DOCK1: variants seen among roughly 807,000 people sequenced by gnomAD.
The protein encoded by DOCK1 is dedicator of cytokinesis protein 1.
In DOCK1, 138 loss-of-function variants were observed where a neutral mutation model predicts 262.7. The ratio of observed to expected loss-of-function variants is 0.53; its 90% CI spans 0.46 to 0.61. DOCK1 has a LOEUF of 0.61. Among genes scored for constraint, DOCK1 ranks in the 20% least tolerant of loss-of-function variants. The pLI, the probability that DOCK1 is intolerant of heterozygous loss-of-function variation, is 0.00. For synonymous variants in DOCK1, 866 were observed against 867.4 expected (o/e 1.00, Z 0.03); for missense variants, 1,908 against 2,370.7 (o/e 0.80, Z 4.05).
chr10:127,447,320 C>A, intron 50 of DOCK1, 74 bp from the exon 51 acceptor site: 1 of 1,552,606 alleles, frequency 6.4e-7, no homozygotes, highest in Non-Finnish European at 8.7e-7. Context: ...TGGGAGGGAA[C>A]GTGGAGCAGC....
At position 127,343,730 on chromosome 10, in the gene DOCK1, G is replaced by C; in HGVS notation, c.3208G>C (p.Ala1070Pro). The change falls in exon 31 of 52, where the codon GCC becomes CCC. Residue 1070 changes from alanine (A) to proline (P), a missense_variant. By Grantham distance (27) the Ala-to-Pro change is conservative. Transcript: ENST00000623213. ...GGAGAATTTTTCAAGTGCCAAGAGA[G>C]CCAAAATCCTTAACAAGTAAGTTCT... ...QLENFSSAKR[A>P]KILNKYGDMR... 1 of 1,608,080 alleles carries C rather than the reference G, an allele frequency of 6.2e-7. No individual in the cohort carries two copies. The highest frequency in any genetic ancestry group is 8.5e-7 in the Non-Finnish European group (1 of 1,177,314).
chr10:127,394,456 T>C (rs1440587150), intron 38 of DOCK1, among the ~76,000 whole-genome samples: 3 of 151,924 alleles, frequency 2.0e-5, no homozygotes, highest in Admixed American at 1.3e-4. Flanking sequence ...CTTTTCCAAG[T>C]ATTTGGGGTG....
intron 49 of DOCK1, among the ~76,000 whole-genome samples, chr10:127,441,628 G>GT (rs2070144323): frequency 6.6e-6 from 1 of 152,098 alleles, no homozygotes; most frequent in Non-Finnish European, 1.5e-5. Flanking sequence ...AGGAGGGGAG[G>GT]TGCGGGGGAG....
At chr10:126,942,848 A>G (rs1426331342) in intron 1 of DOCK1, among the ~76,000 whole-genome samples, 1 of 152,158 alleles carries the variant, frequency 6.6e-6, no homozygotes, top group African/African-American at 2.4e-5. Context: ...ACTAGATTAC[A>G]TGTTTCATGA....
chr10:127,092,031 TA>T (rs2047565447), intron 23 of DOCK1, among the ~76,000 whole-genome samples: 1 of 152,194 alleles, frequency 6.6e-6, no homozygotes, highest in South Asian at 2.1e-4. Flanking sequence ...GAAATTCAAA[TA>T]AAATACAGCT....
intron 25 of DOCK1, among the ~76,000 whole-genome samples, chr10:127,114,566 A>C (rs1251359151): frequency 6.6e-6 from 1 of 151,994 alleles, no homozygotes; most frequent in African/African-American, 2.4e-5. Flanking sequence ...TGATCTAATC[A>C]TTCCTGTTTT....
rs1437800527 is a variant in DOCK1, at chr10:127,175,638, A to G, written c.2847+47874A>G. On this transcript the variant is annotated intron_variant, in intron 27 of 51. Transcript: ENST00000623213. The surrounding 1 kb of genome is among the most constrained non-coding windows in gnomAD (Gnocchi z 6.3). ...GAGGGCAGGTGCGTAAACGGTGGCA[A>G]CCTCCGTTTTAAACACCCTCCTGAG... 1 of 1,613,076 alleles carries G rather than the reference A, an allele frequency of 6.2e-7. No homozygotes were observed. Among genetic ancestry groups the G allele is most frequent in the Non-Finnish European group, 8.5e-7 (1 of 1,179,924 alleles).
chr10:127,245,645 A>G lies in DOCK1; in HGVS notation c.2848-2363A>G, dbSNP rs559828989. On this transcript the variant is annotated intron_variant, in intron 27 of 51. Coordinates refer to ENST00000623213, the MANE Select transcript of DOCK1 (RefSeq NM_001290223.2). ...CATGAATTTCTCCGCATGACGTGAC[A>G]GTCTGCTGCCTGAATTCAGTATGTC... 2.0e-5 allele frequency among the ~76,000 whole-genome samples: 3 copies of G among 152,294 alleles called. 1 individual carries two copies. Among genetic ancestry groups the G allele is most frequent in the African/African-American group, 7.2e-5 (3 of 41,548 alleles).
At chr10:127,110,387 C>A in intron 25 of DOCK1, 33 bp downstream of exon 25, 1 of 1,569,956 alleles carries the variant, frequency 6.4e-7, no homozygotes. Context: ...TTCACTTGTC[C>A]TGTTATTTAT....
rs1437297509 is a variant in DOCK1 at position 127,233,128 on chromosome 10, A to G, written c.2848-14880A>G. On this transcript the variant is annotated intron_variant, in intron 27 of 51. Coordinates refer to ENST00000623213, the MANE Select transcript of DOCK1 (RefSeq NM_001290223.2). ...TGTCATAAGTGAAAAAATATCATTA[A>G]AATATTTGAATTTTGTTCAAGGAGA... Among the ~76,000 whole-genome samples the G allele has an allele frequency of 2.6e-5, 4 of 152,172 alleles. No individual in the cohort carries two copies. In the East Asian group the frequency reaches 7.7e-4, roughly 29 times the overall value.
chr10:127,224,235 T>C (rs1416250380), intron 27 of DOCK1, among the ~76,000 whole-genome samples: 1 of 152,198 alleles, frequency 6.6e-6, no homozygotes, highest in Non-Finnish European at 1.5e-5. Flanking sequence ...CTTTGGATCA[T>C]GTTATTTAAG....
At chr10:127,267,882 T>C (rs2060422109) in intron 29 of DOCK1, among the ~76,000 whole-genome samples, 1 of 152,166 alleles carries the variant, frequency 6.6e-6, no homozygotes, top group Non-Finnish European at 1.5e-5. Flanking sequence ...TCTGGTGTGG[T>C]GCTTTTACGT....
intron 29 of DOCK1, among the ~76,000 whole-genome samples, chr10:127,261,253 G>C (rs1424536645): frequency 2.8e-5 from 4 of 142,304 alleles, no homozygotes; most frequent in African/African-American, 1.1e-4. Flanking sequence ...CTGCATGTGT[G>C]TGCATGTGGG....
At chr10:127,134,449 T>C (rs761503756) in intron 27 of DOCK1, among the ~76,000 whole-genome samples, 1 of 152,194 alleles carries the variant, frequency 6.6e-6, no homozygotes, top group African/African-American at 2.4e-5. Context: ...GGTTTTCCCA[T>C]ACTTTGAGCC....
At chr10:127,178,521 T>A (rs2055399908) in intron 27 of DOCK1, among the ~76,000 whole-genome samples, 1 of 151,968 alleles carries the variant, frequency 6.6e-6, no homozygotes, top group Admixed American at 6.6e-5. Context: ...GGGAGCAGAG[T>A]CTTGCCTGGC....
Position 127,366,670 on chromosome 10 carries a change from C to T in DOCK1, c.3432+4458C>T, listed in dbSNP as rs148349911. Among the ~76,000 whole-genome samples the T allele has an allele frequency of 2.3e-3, 297 of 128,444 alleles. 2 individuals carry two copies. The highest frequency in any genetic ancestry group is 8.6e-3 in the African/African-American group (289 of 33,504). 84.3% of individuals were successfully genotyped at this position (128,444 alleles called of 152,430 possible). A position where few individuals can be genotyped will look rare whatever the true frequency, so the allele number is the denominator to read the frequency against. ...AAGCACAAGGGATGGCCCCTATTGT[C>T]GGTGATGTGGGCGAATGTGTAGAGT... On this transcript the variant is annotated intron_variant, in intron 33 of 51. Coordinates refer to ENST00000623213, the MANE Select transcript of DOCK1 (RefSeq NM_001290223.2).
intron 38 of DOCK1, among the ~76,000 whole-genome samples, chr10:127,395,146 A>G (rs554061378): frequency 2.0e-5 from 3 of 152,324 alleles, no homozygotes; most frequent in Non-Finnish European, 4.4e-5. Flanking sequence ...ATAGCAGTGC[A>G]GGGGACTGTC....
At chr10:127,108,353 C>G (rs1165328926) in intron 24 of DOCK1, among the ~76,000 whole-genome samples, 1 of 151,884 alleles carries the variant, frequency 6.6e-6, no homozygotes, top group African/African-American at 2.4e-5. Flanking sequence ...TTTGGGAGGC[C>G]GAGGGGGACA....
At chr10:126,967,072 C>T (rs1260790812) in intron 1 of DOCK1, among the ~76,000 whole-genome samples, 2 of 152,136 alleles carry the variant, frequency 1.3e-5, no homozygotes, top group South Asian at 2.1e-4. Context: ...GTGAATGGGA[C>T]GCCATGAGCT....
Sources: gnomAD v4.1 joint callset for allele counts (sites outside exome capture counted in the v4.1 genomes callset) on GRCh38, gnomAD v4.1.1 for gene constraint, Gnocchi (gnomAD v3.1) non-coding constraint, MANE v1.5 for transcripts, NCBI Gene and HGNC (gene_info 2026-07-23, HGNC 2026-07-21) for gene names.